EXOC6: variants seen among roughly 807,000 people sequenced by gnomAD.
The protein encoded by EXOC6 is SEC15-like 1.
EXOC6 carries 60 observed loss-of-function variants against 112.5 expected under a neutral mutation model. That is an observed-to-expected ratio of 0.53 (90% CI 0.43 to 0.66). The LOEUF is 0.66. Ranked by LOEUF, EXOC6 falls within the 30% of genes least tolerant of loss-of-function variation. The probability of loss-of-function intolerance (pLI) is 0.00; values close to 1 mark genes in which losing one functional copy is unlikely to be tolerated. For synonymous variants in EXOC6, 295 were observed against 308.0 expected, an observed-to-expected ratio of 0.96 and a Z score of 0.44; for missense variants, 855 against 957.1, an observed-to-expected ratio of 0.89 and a Z score of 1.41.
intron 20 of EXOC6, among the ~76,000 whole-genome samples, chr10:93,016,234 A>G (rs1011082920): frequency 6.6e-6 from 1 of 152,008 alleles, no homozygotes; most frequent in African/African-American, 2.4e-5. Context: ...CCAGGGTTCA[A>G]GCAATTCTCC....
intron 12 of EXOC6, among the ~76,000 whole-genome samples, chr10:92,937,257 C>T (rs1852394639): frequency 6.6e-6 from 1 of 152,084 alleles, no homozygotes; most frequent in South Asian, 2.1e-4. Flanking sequence ...AAAAAAGTGT[C>T]CCGTGGTCCA....
intron 1 of EXOC6, among the ~76,000 whole-genome samples, chr10:92,870,935 GC>G (rs755964855): frequency 3.3e-5 from 5 of 152,040 alleles, no homozygotes; most frequent in Non-Finnish European, 7.4e-5. Flanking sequence ...GTCTCGATCT[GC>G]TGACCTCGTG....
At chr10:93,033,634 A>G (rs998397890) in intron 20 of EXOC6, among the ~76,000 whole-genome samples, 1 of 152,212 alleles carries the variant, frequency 6.6e-6, no homozygotes, top group African/African-American at 2.4e-5. Flanking sequence ...GTTTGGAACA[A>G]TGCAATATGT....
intron 19 of EXOC6, among the ~76,000 whole-genome samples, chr10:92,998,407 T>C (rs555858733): frequency 7.9e-5 from 12 of 152,288 alleles, no homozygotes; most frequent in African/African-American, 2.9e-4. Flanking sequence ...TATAAAATAT[T>C]TGTCTGAGGA....
rs1847153037 is a variant in EXOC6, at chr10:92,848,523, T to G, written c.-11T>G. The G allele has an allele frequency of 7.5e-7, 1 of 1,337,514 alleles. No homozygotes were observed. 82.9% of individuals were successfully genotyped at this position (1,337,514 alleles called of 1,614,324 possible). On this transcript the variant is annotated 5_prime_UTR_variant, in exon 1 of 22. Transcript: ENST00000260762. ...CGCCGCGCCTCGCTGGCTCCTCAGC[T>G]TCCAGCCAAAATGGCGGAGAACAGC...
rs530287556 is a variant in EXOC6 at position 92,881,588 on chromosome 10, G to A, written c.102-11761G>A. 2.6e-5 allele frequency among the ~76,000 whole-genome samples: 4 copies of A among 152,244 alleles called. No individual in the cohort carries two copies. The East Asian group carries it at 7.7e-4, about 29-fold the overall frequency. Reference sequence around the variant, plus strand: ...TGCACTTACACAATGCTTAATATTGGTAGAAGGAATCTTCCTTTTTCTTGA... The same window carrying A: ...TGCACTTACACAATGCTTAATATTGATAGAAGGAATCTTCCTTTTTCTTGA... On this transcript the variant is annotated intron_variant, in intron 1 of 21. Transcript: ENST00000260762.
intron 20 of EXOC6, among the ~76,000 whole-genome samples, chr10:93,016,174 G>T (rs1348726924): frequency 6.6e-6 from 1 of 151,870 alleles, no homozygotes; most frequent in East Asian, 1.9e-4. Flanking sequence ...TCACTCTGTT[G>T]CCCAGGCTGG....
At chr10:92,851,015 A>G (rs1400049684) in intron 1 of EXOC6, among the ~76,000 whole-genome samples, 2 of 152,256 alleles carry the variant, frequency 1.3e-5, no homozygotes, top group African/African-American at 4.8e-5. Context: ...TCATTGACTA[A>G]CACACAAAAA....
intron 1 of EXOC6, among the ~76,000 whole-genome samples, chr10:92,881,349 AAAGG>A (rs1459327382): frequency 6.6e-6 from 1 of 152,234 alleles, no homozygotes; most frequent in African/African-American, 2.4e-5. Flanking sequence ...TGCCCAGATT[AAAGG>A]AAGGGAGTGT....
At chr10:93,034,717 C>A (rs1845431409) in intron 20 of EXOC6, among the ~76,000 whole-genome samples, 1 of 152,180 alleles carries the variant, frequency 6.6e-6, no homozygotes, top group Non-Finnish European at 1.5e-5. Context: ...CCAGTTTATT[C>A]TTTTATGATG....
At chr10:92,915,565 ATTTTTTT>A (rs1172917198) in intron 6 of EXOC6, among the ~76,000 whole-genome samples, 186 bp from the exon 7 acceptor site, 3,005 of 109,216 alleles carry the variant, frequency 0.028, 53 homozygotes, top group African/African-American at 0.053. Context: ...TGAGACCCTG[ATTTTTTT>A]TTTTTTTTTT....
chr10:92,891,592 C>T (rs1255740616), intron 1 of EXOC6, among the ~76,000 whole-genome samples: 2 of 152,146 alleles, frequency 1.3e-5, no homozygotes, highest in African/African-American at 2.4e-5. Flanking sequence ...AGCGATTCTC[C>T]TGCCTCAGCC....
At chr10:92,964,230 A>G (rs1391321766) in intron 17 of EXOC6, among the ~76,000 whole-genome samples, 1 of 151,580 alleles carries the variant, frequency 6.6e-6, no homozygotes, top group African/African-American at 2.4e-5. Context: ...AATAATGGAA[A>G]TTATATATAT....
intron 1 of EXOC6, among the ~76,000 whole-genome samples, chr10:92,827,211 G>A (rs1375216437): frequency 2.0e-5 from 3 of 151,680 alleles, no homozygotes; most frequent in Admixed American, 1.3e-4. Context: ...GTGGTGGCTG[G>A]CACCTGTAAT....
intron 17 of EXOC6, among the ~76,000 whole-genome samples, chr10:92,972,881 T>C (rs569185170): frequency 1.3e-5 from 2 of 152,222 alleles, no homozygotes; most frequent in Non-Finnish European, 2.9e-5. Flanking sequence ...TTCCCAAGTG[T>C]GTACACAGCC....
At chr10:92,842,126 C>T (rs533062019) in intron 1 of EXOC6, among the ~76,000 whole-genome samples, 53 of 152,102 alleles carry the variant, frequency 3.5e-4, no homozygotes, top group Admixed American at 1.0e-3. Flanking sequence ...TTTGGGAGGC[C>T]GAGGCAGGCA....
intron 1 of EXOC6, among the ~76,000 whole-genome samples, chr10:92,865,958 T>TC (rs1348967892): frequency 6.6e-6 from 1 of 152,102 alleles, no homozygotes; most frequent in Non-Finnish European, 1.5e-5. Flanking sequence ...TTCATCCTCA[T>TC]CATTTTCATG....
At chr10:93,054,967 G>A (rs1281535323) in intron 20 of EXOC6, among the ~76,000 whole-genome samples, 1 of 151,852 alleles carries the variant, frequency 6.6e-6, no homozygotes, top group Non-Finnish European at 1.5e-5. Context: ...GAAAATAACA[G>A]TTAACCTTAA....
chr10:92,854,148 A>G (rs1025633240), intron 1 of EXOC6, among the ~76,000 whole-genome samples: 4 of 152,136 alleles, frequency 2.6e-5, no homozygotes, highest in East Asian at 1.9e-4. Context: ...TAAAACAACT[A>G]AAAAAATGAG....
Sources: allele counts gnomAD v4.1 joint callset (sites outside exome capture counted in the v4.1 genomes callset), GRCh38; gene constraint gnomAD v4.1.1; transcripts MANE v1.5; gene names NCBI Gene and HGNC (gene_info 2026-07-23, HGNC 2026-07-21).